The following ADAMTS13 variants were observed in gnomAD, a reference collection of about 807,000 sequenced individuals.
ADAMTS13 encodes the protein A disintegrin and metalloproteinase with thrombospondin motifs 13.
A neutral mutation model predicts 155.1 loss-of-function variants in ADAMTS13; 110 were observed. That is an observed-to-expected ratio of 0.71 (90% CI 0.61 to 0.83). The LOEUF is 0.83. Among genes scored for constraint, ADAMTS13 ranks in the 40% least tolerant of loss-of-function variants. ADAMTS13 has a pLI of 0.00. For synonymous variants in ADAMTS13, 758 were observed against 756.4 expected, an observed-to-expected ratio of 1.00 and a Z score of -0.03; for missense variants, 1,707 against 1,891.7, an observed-to-expected ratio of 0.90 and a Z score of 1.81.
At chr9:133,428,976 T>C (rs989344863) in intron 7 of ADAMTS13, among the ~76,000 whole-genome samples, 1 of 121,136 alleles carries the variant, frequency 8.3e-6, no homozygotes, top group African/African-American at 3.2e-5. Flanking sequence ...GCCAGCCCGC[T>C]GGGCCGCCCG....
chr9:133,436,654 G>C (rs1417328234), intron 11 of ADAMTS13, among the ~76,000 whole-genome samples, 175 bp from the exon 12 acceptor site: 3 of 152,144 alleles, frequency 2.0e-5, no homozygotes, highest in Non-Finnish European at 4.4e-5. Context: ...CATCAATAGA[G>C]AGAGGCAGGC....
chr9:133,426,164 T>C, intron 5 of ADAMTS13, 35 bp from the exon 6 acceptor site: 1 of 1,614,014 alleles, frequency 6.2e-7, no homozygotes, highest in African/African-American at 1.3e-5. Context: ...GCACGTGCCT[T>C]GGCACCACCC....
rs374273047 is a variant in ADAMTS13, at chr9:133,437,920, G to C, written c.1584+23G>C. The C allele has an allele frequency of 5.0e-6, 8 of 1,612,694 alleles. No homozygotes were observed. In the Admixed American group the frequency reaches 5.0e-5, roughly 10 times the overall value. Reference sequence around the variant, plus strand: ...AGGGTAGGCGTGTGTGGACATTGGCGATGGCCCTGGGGCCTACCTGTCCTA... The same window carrying C: ...AGGGTAGGCGTGTGTGGACATTGGCCATGGCCCTGGGGCCTACCTGTCCTA... On this transcript the variant is annotated intron_variant, in intron 13 of 28. Transcript: ENST00000355699.
At chr9:133,422,934 C>CTTTTTTTTTTT in intron 1 of ADAMTS13, among the ~76,000 whole-genome samples, 167 bp from the exon 2 acceptor site, 1 of 93,236 alleles carries the variant, frequency 1.1e-5, no homozygotes, top group Non-Finnish European at 2.2e-5. Context: ...CTCTCTCTCT[C>CTTTTTTTTTTT]TTTTTTTTTT....
In ADAMTS13 at chr9:133,424,315, C is replaced by G. The variant is rs781795441; in HGVS notation, c.173-6C>G. Reference sequence around the variant, plus strand: ...ATCGCCCTCTGCTCTCCCTCTCCCCCTCCAGGCCGCCCTCCTTCCCCTGGC... The same window carrying G: ...ATCGCCCTCTGCTCTCCCTCTCCCCGTCCAGGCCGCCCTCCTTCCCCTGGC... On this transcript the variant is annotated splice_region_variant and splice_polypyrimidine_tract_variant and intron_variant, in intron 2 of 28. Coordinates refer to ENST00000355699, the MANE Select transcript of ADAMTS13 (RefSeq NM_139027.6). The surrounding 1 kb of genome is among the most constrained non-coding windows in gnomAD (Gnocchi z 4.3). The G allele has an allele frequency of 2.7e-5, 43 of 1,611,902 alleles. No individual in the cohort carries two copies. The Admixed American group carries it at 4.5e-4, about 17-fold the overall frequency.
intron 6 of ADAMTS13, among the ~76,000 whole-genome samples, chr9:133,426,786 C>T (rs587738025): frequency 2.3e-4 from 34 of 150,950 alleles, no homozygotes; most frequent in African/African-American, 8.0e-4. Context: ...TTGTTACCTG[C>T]TATTTCTTTT....
rs782158836 is a variant in ADAMTS13, at chr9:133,423,180, G to C, written c.172+13G>C. 1 of 1,613,100 alleles carries C rather than the reference G, an allele frequency of 6.2e-7. No homozygotes were observed. The highest frequency in any genetic ancestry group is 8.5e-7 in the Non-Finnish European group (1 of 1,179,268). On this transcript the variant is annotated intron_variant, in intron 2 of 28. Coordinates refer to ENST00000355699, the MANE Select transcript of ADAMTS13 (RefSeq NM_139027.6). ...GCTCCCTTAAAAGGTACTTGTCCTG[G>C]TGTCTTCTCTCCCGGGGGGAGTTTC...
intron 22 of ADAMTS13, 127 bp downstream of exon 22, chr9:133,448,855 G>A: frequency 1.4e-6 from 2 of 1,424,866 alleles, no homozygotes; most frequent in Non-Finnish European, 1.9e-6. Context: ...TGTGAGGCTG[G>A]ACCATGGCCG....
In ADAMTS13 at chr9:133,433,653, G is replaced by A; in HGVS notation, c.1257G>A (p.Gly419=). 9 of 1,614,016 alleles carry A rather than the reference G, an allele frequency of 5.6e-6. No individual in the cohort carries two copies. Among genetic ancestry groups the A allele is most frequent in the Non-Finnish European group, 7.6e-6 (9 of 1,180,016 alleles). The change falls in exon 11 of 29, where the codon GGG becomes GGA. Residue 419 remains glycine (G), a synonymous_variant. Coordinates refer to ENST00000355699, the MANE Select transcript of ADAMTS13 (RefSeq NM_139027.6). ...TGGGCATTTTCAGACCTGCCTTTGG[G>A]GGGCGTGCATGTGTTGGTGCTGACC... ...RQCNNPRPAF[G]GRACVGADLQ... is the part of the protein sequence containing the mutation.
intron 9 of ADAMTS13, 62 bp from the exon 10 acceptor site, chr9:133,433,316 T>C (rs1840912052): frequency 1.9e-6 from 3 of 1,600,530 alleles, no homozygotes; most frequent in Non-Finnish European, 2.6e-6. Context: ...TCTCTGTGTG[T>C]GTTGGGAGTC....
At position 133,459,138 on chromosome 9, in the gene ADAMTS13, G is replaced by C; in HGVS notation, c.4074G>C (p.Glu1358Asp). ...GGACCCTCCAATCATGGGTACCGGA[G>C]ATGCAGGACCCTCAGTCCTGGAAGG... ...QYWTLQSWVP[E>D]MQDPQSWKGK... The change falls in exon 29 of 29, where the codon GAG becomes GAC. Residue 1358 changes from glutamate to aspartate, a missense_variant. This residue lies in a region of ADAMTS13 where 961 missense variants were observed against 1,107.9 expected (regional missense o/e 0.87). Transcript: ENST00000355699. 1 of 1,612,766 alleles carries C rather than the reference G, an allele frequency of 6.2e-7. No homozygotes were observed. Among genetic ancestry groups the C allele is most frequent in the Non-Finnish European group, 8.5e-7 (1 of 1,179,850 alleles).
Position 133,456,226 on chromosome 9 carries a change from G to A in ADAMTS13, c.3547+11G>A. 1.9e-6 allele frequency: 3 copies of A among 1,613,336 alleles called. No homozygotes were observed. In the African/African-American group the frequency reaches 4.0e-5, roughly 21 times the overall value. ...TCAACTGCAGTGCGGGTATGTCTAG[G>A]GCCATGCAAGCGATGCTGCCAGTTA... On this transcript the variant is annotated intron_variant, in intron 26 of 28. Transcript: ENST00000355699. The surrounding 1 kb of genome is among the most constrained non-coding windows in gnomAD (Gnocchi z 4.4).
At chr9:133,418,120 G>T (rs1554782187), upstream of ADAMTS13, 1 of 488,372 alleles carries the variant, frequency 2.0e-6, no homozygotes, top group East Asian at 3.6e-5. Context: ...ACCCGCACGG[G>T]ACTTGGGCCG....
In ADAMTS13 at chr9:133,454,402, T is replaced by C; in HGVS notation, c.3045-13T>C. 2.5e-6 allele frequency: 4 copies of C among 1,613,646 alleles called. No individual in the cohort carries two copies. Among genetic ancestry groups the C allele is most frequent in the Non-Finnish European group, 3.4e-6 (4 of 1,179,972 alleles). ...GAGACCTAGCCTCTCTCTGGGGTCT[T>C]CTCTTCCTGCAGGTGGAAAGTCATG... On this transcript the variant is annotated splice_polypyrimidine_tract_variant and intron_variant, in intron 23 of 28. Transcript: ENST00000355699.
At chr9:133,442,252 T>G in intron 16 of ADAMTS13, 147 bp from the exon 17 acceptor site, 4 of 1,280,758 alleles carry the variant, frequency 3.1e-6, no homozygotes, top group Non-Finnish European at 4.5e-6. Flanking sequence ...TTTACAGGCA[T>G]GAGCTACCGT....
chr9:133,444,836 C>G, intron 19 of ADAMTS13, 27 bp from the exon 20 acceptor site: 1 of 1,611,140 alleles, frequency 6.2e-7, no homozygotes. Flanking sequence ...GAGGCAGGGC[C>G]TGATGACTGT....
Position 133,449,861 on chromosome 9 carries a change from C to A in ADAMTS13, c.2940C>A (p.Ala980=). ...GGAGGATCCTGTATTGTGCCCGGGC[C>A]CATGGGGAGGACGATGGTGAGGAGA... is the stretch of plus-strand genomic sequence containing the variant. ...VVRRILYCAR[A]HGEDDGEEIL... is the part of the protein sequence containing the mutation. The change falls in exon 23 of 29, where the codon GCC becomes GCA. Residue 980 remains alanine (A), a synonymous_variant. Coordinates refer to ENST00000355699, the MANE Select transcript of ADAMTS13 (RefSeq NM_139027.6). 6.2e-7 allele frequency: 1 copy of A among 1,614,056 alleles called. No individual in the cohort carries two copies.
chr9:133,458,229 C>T, intron 28 of ADAMTS13, 135 bp downstream of exon 28: 1 of 1,078,070 alleles, frequency 9.3e-7, no homozygotes, highest in Non-Finnish European at 1.3e-6. Flanking sequence ...GAGAAGATAG[C>T]TTCCTCCACA....
rs1182498899 is a variant in ADAMTS13 at position 133,456,437 on chromosome 9, G to C, written c.3548-106G>C. The C allele has an allele frequency of 1.4e-6, 2 of 1,453,052 alleles. No homozygotes were observed. The highest frequency in any genetic ancestry group is 4.8e-5 in the East Asian group (2 of 41,622). The allele number at this position is 1,453,052 out of a possible 1,614,324, so 90.0% of individuals were successfully genotyped here. A position where few individuals can be genotyped will look rare whatever the true frequency, so the allele number is the denominator to read the frequency against. On this transcript the variant is annotated intron_variant, in intron 26 of 28. Coordinates refer to ENST00000355699, the MANE Select transcript of ADAMTS13 (RefSeq NM_139027.6). This position sits in a 1 kb window ranked among gnomAD's most constrained non-coding sequence, Gnocchi z 4.4. ...CCAGTTACTTAGAGTCACATAGCCA[G>C]CAGTGGGAGAGGTGGGACTTGAACT...
Sources: allele counts gnomAD v4.1 joint callset (sites outside exome capture counted in the v4.1 genomes callset), GRCh38; gene constraint gnomAD v4.1.1; regional missense constraint gnomAD v4.1.1; non-coding constraint Gnocchi (gnomAD v3.1); transcripts MANE v1.5; gene names NCBI Gene and HGNC (gene_info 2026-07-23, HGNC 2026-07-21).